Variants in SMARCC1 observed in about 807,000 individuals in gnomAD.
The protein encoded by SMARCC1 is SWI/SNF complex subunit SMARCC1.
In SMARCC1, 43 loss-of-function variants were observed where a neutral mutation model predicts 147.4. The observed-to-expected ratio is 0.29, with a 90% CI of 0.23 to 0.38. The LOEUF (loss-of-function observed/expected upper bound fraction) is 0.38, where lower values mean the gene tolerates loss of function less well. SMARCC1 is among the 10% of genes least tolerant of loss of function. SMARCC1 has a pLI of 1.00. For synonymous variants in SMARCC1, 495 were observed against 484.4 expected (o/e 1.02, Z -0.29); for missense variants, 1,119 against 1,381.1 (o/e 0.81, Z 3.01).
At chr3:47,663,196 GGTGGGGAGGGGAGGGGAGGA>G (rs2033372994) in intron 19 of SMARCC1, among the ~76,000 whole-genome samples, 1 of 72,818 alleles carries the variant, frequency 1.4e-5, no homozygotes, top group Non-Finnish European at 2.9e-5. Context: ...GGAGGGGAGG[GGTGGGGAGGGGAGGGGAGGA>G]AGGAAGGAAG....
At chr3:47,706,192 C>T (rs1350377112) in intron 10 of SMARCC1, among the ~76,000 whole-genome samples, 2 of 152,000 alleles carry the variant, frequency 1.3e-5, no homozygotes, top group African/African-American at 4.8e-5. Flanking sequence ...CAGCCTCAGC[C>T]TCCCAAGTAG....
chr3:47,678,152 G>A (rs941106445), intron 16 of SMARCC1, 46 bp downstream of exon 16: 1 of 1,146,002 alleles, frequency 8.7e-7, no homozygotes. Flanking sequence ...GCATGCATAA[G>A]TAAATTCCTA....
chr3:47,709,290 A>T (rs2034055479), intron 9 of SMARCC1, among the ~76,000 whole-genome samples: 1 of 152,062 alleles, frequency 6.6e-6, no homozygotes, highest in African/African-American at 2.4e-5. Context: ...TGTGAAAAAC[A>T]GTAAGGTTTT....
At chr3:47,599,358 G>A (rs1410097131) in intron 26 of SMARCC1, among the ~76,000 whole-genome samples, 1 of 152,196 alleles carries the variant, frequency 6.6e-6, no homozygotes, top group African/African-American at 2.4e-5. Flanking sequence ...ACTCCAGCCT[G>A]AGCGACAAAA....
At chr3:47,623,272 CCACAGCTGTGTGTGT>C (rs2032761947) in intron 24 of SMARCC1, among the ~76,000 whole-genome samples, 1 of 151,598 alleles carries the variant, frequency 6.6e-6, no homozygotes, top group Non-Finnish European at 1.5e-5. Flanking sequence ...CTGTGACAAG[CCACAGCTGTGTGTGT>C]CACAGCACGC....
chr3:47,670,831 C>T (rs2033485690), intron 18 of SMARCC1, 114 bp from the exon 19 acceptor site: 1 of 721,348 alleles, frequency 1.4e-6, no homozygotes, highest in African/African-American at 1.8e-5. Flanking sequence ...CATGGTAAGT[C>T]TTTGACTAAC....
intron 9 of SMARCC1, among the ~76,000 whole-genome samples, chr3:47,708,716 CA>C (rs947849226): frequency 6.6e-6 from 1 of 151,944 alleles, no homozygotes; most frequent in Admixed American, 6.6e-5. Flanking sequence ...TTGAATAGTC[CA>C]ATTCCAAAAC....
intron 18 of SMARCC1, among the ~76,000 whole-genome samples, chr3:47,671,197 A>AACAAAAAAAAAAAC (rs2033497146): frequency 1.6e-5 from 1 of 62,260 alleles, no homozygotes; most frequent in Non-Finnish European, 4.1e-5. Context: ...AAAAAAAAAA[A>AACAAAAAAAAAAAC]ACACACACAA....
chr3:47,651,278 T>C (rs2033187125), intron 21 of SMARCC1, among the ~76,000 whole-genome samples: 1 of 152,172 alleles, frequency 6.6e-6, no homozygotes, highest in African/African-American at 2.4e-5. Context: ...CACTCCAGTC[T>C]AGGCAACAGA....
chr3:47,708,525 G>T (rs150987281), intron 9 of SMARCC1, among the ~76,000 whole-genome samples: 1 of 151,990 alleles, frequency 6.6e-6, no homozygotes, highest in Non-Finnish European at 1.5e-5. Flanking sequence ...AACAGAAATG[G>T]GTATGAACTG....
chr3:47,771,913 G>GC (rs2034918376), intron 2 of SMARCC1, among the ~76,000 whole-genome samples: 1 of 151,552 alleles, frequency 6.6e-6, no homozygotes, highest in South Asian at 2.1e-4. Flanking sequence ...GAAACCATGT[G>GC]TCTACTAAAA....
chr3:47,744,417 T>C (rs1402160326), intron 3 of SMARCC1, among the ~76,000 whole-genome samples: 2 of 152,120 alleles, frequency 1.3e-5, no homozygotes, highest in African/African-American at 4.8e-5. Flanking sequence ...ACCATCCATA[T>C]ATAAAAAGTT....
intron 6 of SMARCC1, among the ~76,000 whole-genome samples, chr3:47,727,915 A>T (rs2034319575): frequency 6.6e-6 from 1 of 151,644 alleles, no homozygotes; most frequent in African/African-American, 2.4e-5. Context: ...ATGAGATTTC[A>T]CTATGTTGCC....
intron 2 of SMARCC1, among the ~76,000 whole-genome samples, chr3:47,755,089 T>C (rs2034679613): frequency 1.3e-5 from 2 of 151,640 alleles, no homozygotes; most frequent in Non-Finnish European, 2.9e-5. Context: ...TGCACGTCTG[T>C]AATCCCAGCT....
At chr3:47,678,004 TA>T (rs1366435294) in intron 16 of SMARCC1, among the ~76,000 whole-genome samples, 193 bp downstream of exon 16, 28 of 151,824 alleles carry the variant, frequency 1.8e-4, no homozygotes, top group African/African-American at 6.5e-4. Flanking sequence ...ATTAAATTAA[TA>T]AAATAGAATA....
intron 22 of SMARCC1, among the ~76,000 whole-genome samples, chr3:47,636,687 A>G (rs188521830): frequency 2.4e-4 from 37 of 152,230 alleles, no homozygotes; most frequent in Admixed American, 5.2e-4. Context: ...CCCGGGAGGC[A>G]GAGATTGCAG....
intron 2 of SMARCC1, among the ~76,000 whole-genome samples, chr3:47,770,020 T>C (rs1469739342): frequency 6.7e-6 from 1 of 148,258 alleles, no homozygotes; most frequent in East Asian, 2.1e-4. Context: ...GGTCAGGAGA[T>C]TGAGGCCATC....
intron 2 of SMARCC1, among the ~76,000 whole-genome samples, chr3:47,766,959 CG>C (rs1344691626): frequency 6.6e-6 from 1 of 151,770 alleles, no homozygotes; most frequent in African/African-American, 2.4e-5. Context: ...CCGAGGCATG[CG>C]GATCACGAGG....
intron 2 of SMARCC1, among the ~76,000 whole-genome samples, chr3:47,749,170 G>C (rs913461767): frequency 6.6e-6 from 1 of 151,942 alleles, no homozygotes; most frequent in African/African-American, 2.4e-5. Flanking sequence ...CGGGCGTGGT[G>C]GCACGCACCT....
Sources: allele counts gnomAD v4.1 joint callset (sites outside exome capture counted in the v4.1 genomes callset), GRCh38; gene constraint gnomAD v4.1.1; transcripts MANE v1.5; gene names NCBI Gene and HGNC (gene_info 2026-07-23, HGNC 2026-07-21).